Variants in SLC22A3 observed in about 807,000 individuals in gnomAD.
SLC22A3 encodes EMT organic cation transporter 3.
In SLC22A3, 51 loss-of-function variants were observed where a neutral mutation model predicts 59.1. That is an observed-to-expected ratio of 0.86 (90% CI 0.69 to 1.09). The LOEUF is 1.09. Among genes scored for constraint, SLC22A3 ranks in the 50% least tolerant of loss-of-function variants. The pLI is 0.00. For synonymous variants in SLC22A3, 325 were observed against 292.0 expected (o/e 1.11, Z -1.15); for missense variants, 711 against 726.3 (o/e 0.98, Z 0.24).
intron 1 of SLC22A3, among the ~76,000 whole-genome samples, chr6:160,357,592 G>A (rs979945844): frequency 2.0e-5 from 3 of 152,138 alleles, no homozygotes; most frequent in Non-Finnish European, 4.4e-5. Context: ...CAGCCTGCAC[G>A]TTTAATATTG....
intron 1 of SLC22A3, among the ~76,000 whole-genome samples, chr6:160,352,423 C>T (rs1445734157): frequency 6.6e-6 from 1 of 152,188 alleles, no homozygotes; most frequent in South Asian, 2.1e-4. Flanking sequence ...GCGAGTCTGA[C>T]CCCCTGTCCC....
At chr6:160,397,674 C>T (rs781105953) in intron 1 of SLC22A3, among the ~76,000 whole-genome samples, 4 of 143,984 alleles carry the variant, frequency 2.8e-5, no homozygotes, top group African/African-American at 5.2e-5. Flanking sequence ...GCAGAGGTTG[C>T]AGTAAGCAGA....
Position 160,390,135 on chromosome 6 carries a change from A to C in SLC22A3, c.430-7844A>C, listed in dbSNP as rs527834455. Among the ~76,000 whole-genome samples, 5 of 152,336 alleles carry C rather than the reference A, an allele frequency of 3.3e-5. No individual in the cohort carries two copies. The South Asian group carries it at 1.0e-3, about 32-fold the overall frequency. The stretch of plus-strand genomic sequence containing the variant: ...CCAAAATGGGGAGGCATGAATTTAA[A>C]ATAGAGTAGCCCTATTCAGATGGCT... On this transcript the variant is annotated intron_variant, in intron 1 of 10. Transcript: ENST00000275300.
chr6:160,444,587 G>C (rs2457576), intron 9 of SLC22A3, among the ~76,000 whole-genome samples: 42,284 of 151,854 alleles, frequency 0.28, 6,055 homozygotes, highest in East Asian at 0.41. Context: ...CAGAATCATA[G>C]TCTAGGAGGG....
At position 160,348,685 on chromosome 6, in the gene SLC22A3, G is replaced by C. The variant is rs1784556372; in HGVS notation, c.266G>C (p.Arg89Pro). The C allele has an allele frequency of 3.3e-6, 5 of 1,506,780 alleles. No homozygotes were observed. The highest frequency in any genetic ancestry group is 4.4e-6 in the Non-Finnish European group (5 of 1,135,894). 93.3% of individuals were successfully genotyped at this position (1,506,780 alleles called of 1,614,324 possible). Residue 89 changes from arginine (R) to proline (P), a missense_variant, in exon 1 of 11, where the codon CGC becomes CCC. Arg to Pro is a moderately radical substitution (Grantham distance 103). Coordinates refer to ENST00000275300, the MANE Select transcript of SLC22A3 (RefSeq NM_021977.4). ...CCAGAGCCCCCCGAGCGCCGCGGCC[G>C]CTGCCAGCGCTACCTCCTGGAGGCG... ...RGPEPPERRGRCQRYLLEAAN... is the reference protein window; with the variant it reads ...RGPEPPERRGPCQRYLLEAAN...
In SLC22A3 at chr6:160,366,049, A is replaced by G. The variant is rs112501734; in HGVS notation, c.429+17201A>G. Among the ~76,000 whole-genome samples the G allele has an allele frequency of 8.9e-3, 1,362 of 152,258 alleles. 15 individuals carry two copies. The highest frequency in any genetic ancestry group is 0.032 in the African/African-American group (1,311 of 41,564). On this transcript the variant is annotated intron_variant, in intron 1 of 10. Coordinates refer to ENST00000275300, the MANE Select transcript of SLC22A3 (RefSeq NM_021977.4). ...ACACATGGGGATTATGAGAACTACAATTCAAGATAGGATTTGGGTGGGAAC... is the reference window on the plus strand; with the variant it reads ...ACACATGGGGATTATGAGAACTACAGTTCAAGATAGGATTTGGGTGGGAAC...
intron 7 of SLC22A3, among the ~76,000 whole-genome samples, chr6:160,441,608 T>TA (rs1491381502): frequency 3.3e-4 from 2 of 6,098 alleles, no homozygotes; most frequent in East Asian, 0.067. Flanking sequence ...GAATTTTAGC[T>TA]TTTTTTTTTT....
intron 5 of SLC22A3, among the ~76,000 whole-genome samples, chr6:160,427,269 G>T (rs534075122): frequency 6.6e-6 from 1 of 152,318 alleles, no homozygotes; most frequent in Admixed American, 6.5e-5. Flanking sequence ...AAGGGATGGA[G>T]GAACATAGGC....
intron 2 of SLC22A3, among the ~76,000 whole-genome samples, chr6:160,401,243 AC>A (rs1436593259): frequency 6.6e-6 from 1 of 152,078 alleles, no homozygotes; most frequent in Non-Finnish European, 1.5e-5. Flanking sequence ...AAAAAAGTAT[AC>A]CTAGTTATAT....
intron 5 of SLC22A3, 73 bp downstream of exon 5, chr6:160,410,919 A>T: frequency 1.2e-6 from 1 of 839,926 alleles, no homozygotes; most frequent in East Asian, 2.6e-5. Flanking sequence ...TTGTGTACTT[A>T]ATGTTGCTTC....
intron 2 of SLC22A3, among the ~76,000 whole-genome samples, chr6:160,400,390 G>A (rs144006804): frequency 6.6e-6 from 1 of 151,870 alleles, no homozygotes; most frequent in African/African-American, 2.4e-5. Flanking sequence ...CTTTCAACTT[G>A]GAAGAAGGGA....
In SLC22A3 at chr6:160,415,267, C is replaced by A. The variant is rs552104920; in HGVS notation, c.975+4421C>A. Among the ~76,000 whole-genome samples, 330 of 152,310 alleles carry A rather than the reference C, an allele frequency of 2.2e-3. 4 individuals carry two copies. Among genetic ancestry groups the A allele is most frequent in the Non-Finnish European group, 3.5e-3 (238 of 68,032 alleles). On this transcript the variant is annotated intron_variant, in intron 5 of 10. Transcript: ENST00000275300. This position sits in a 1 kb window ranked among gnomAD's most constrained non-coding sequence, Gnocchi z 4.1. Reference sequence around the variant, plus strand: ...TCAAAGGTCCTTATGTCCCCACAAGCACCATCCTGAGCAGAAAACCTCTTC... The same window carrying A: ...TCAAAGGTCCTTATGTCCCCACAAGAACCATCCTGAGCAGAAAACCTCTTC...
intron 1 of SLC22A3, among the ~76,000 whole-genome samples, chr6:160,376,139 A>G (rs554531368): frequency 6.6e-6 from 1 of 152,238 alleles, no homozygotes; most frequent in African/African-American, 2.4e-5. Flanking sequence ...TGGTACATAT[A>G]TACCATAGAA....
intron 5 of SLC22A3, among the ~76,000 whole-genome samples, chr6:160,429,101 G>C (rs1438275469): frequency 6.6e-6 from 1 of 152,186 alleles, no homozygotes. Flanking sequence ...TCTGGTTCCT[G>C]ATGCTTGTCT....
At chr6:160,443,819 G>A (rs1329938359) in intron 9 of SLC22A3, 77 bp downstream of exon 9, 3 of 690,150 alleles carry the variant, frequency 4.3e-6, no homozygotes, top group Non-Finnish European at 7.0e-6. Context: ...TAATTGTTAG[G>A]TTCAATAATG....
At chr6:160,435,082 T>G (rs568700616) in intron 5 of SLC22A3, among the ~76,000 whole-genome samples, 1 of 152,282 alleles carries the variant, frequency 6.6e-6, no homozygotes, top group South Asian at 2.1e-4. Context: ...TACAACCACC[T>G]CATTGCTGAG....
intron 1 of SLC22A3, among the ~76,000 whole-genome samples, chr6:160,374,277 T>C (rs1166925208): frequency 6.6e-6 from 1 of 152,180 alleles, no homozygotes; most frequent in Admixed American, 6.5e-5. Context: ...CTCAACCCCT[T>C]GCACTTCCTG....
intron 1 of SLC22A3, among the ~76,000 whole-genome samples, chr6:160,388,642 C>T (rs956505899): frequency 2.0e-5 from 3 of 152,194 alleles, no homozygotes; most frequent in Non-Finnish European, 2.9e-5. Context: ...AGAAATGCCT[C>T]TTATTGTGAG....
intron 1 of SLC22A3, among the ~76,000 whole-genome samples, chr6:160,384,772 G>T (rs139857232): frequency 2.0e-5 from 3 of 151,984 alleles, no homozygotes; most frequent in Non-Finnish European, 4.4e-5. Flanking sequence ...TTGTGACTCC[G>T]CTCCCCTCCT....
Sources: gnomAD v4.1 joint callset for allele counts (sites outside exome capture counted in the v4.1 genomes callset) on GRCh38, gnomAD v4.1.1 for gene constraint, Gnocchi (gnomAD v3.1) non-coding constraint, MANE v1.5 for transcripts, NCBI Gene and HGNC (gene_info 2026-07-23, HGNC 2026-07-21) for gene names.